CWH43: variants seen among roughly 807,000 people sequenced by gnomAD.
CWH43 encodes PGAP2-interacting protein.
In CWH43, 91 loss-of-function variants were observed where a neutral mutation model predicts 85.7. That is an observed-to-expected ratio of 1.06 (90% CI 0.90 to 1.26). The LOEUF (loss-of-function observed/expected upper bound fraction) is 1.26, where lower values mean the gene tolerates loss of function less well. CWH43 is among the 50% of genes most tolerant of loss of function. The probability of loss-of-function intolerance (pLI) is 0.00; values close to 1 mark genes in which losing one functional copy is unlikely to be tolerated. For missense variants in CWH43, 869 were observed against 839.2 expected, an observed-to-expected ratio of 1.04 and a Z score of -0.44; for synonymous variants, 323 against 293.6, an observed-to-expected ratio of 1.10 and a Z score of -1.02.
chr4:49,057,271 A>G (rs1367496201), intron 15 of CWH43, among the ~76,000 whole-genome samples: 3 of 152,242 alleles, frequency 2.0e-5, no homozygotes, highest in Non-Finnish European at 4.4e-5. Flanking sequence ...ATCAATCAAC[A>G]TACATAAGAT....
At chr4:49,045,388 A>C (rs1784592632) in intron 14 of CWH43, among the ~76,000 whole-genome samples, 1 of 152,232 alleles carries the variant, frequency 6.6e-6, no homozygotes, top group African/African-American at 2.4e-5. Context: ...ATATACTTGG[A>C]TAATACATAT....
intron 11 of CWH43, 126 bp downstream of exon 11, chr4:49,031,086 G>T: frequency 1.1e-6 from 1 of 890,560 alleles, no homozygotes; most frequent in Non-Finnish European, 1.7e-6. Flanking sequence ...CTTGGGGGAT[G>T]AGGAGGTGCT....
rs548931558 is a variant in CWH43 at position 48,988,616 on chromosome 4, G to C, written c.183G>C (p.Trp61Cys). 1 of 1,613,148 alleles carries C rather than the reference G, an allele frequency of 6.2e-7. No homozygotes were observed. The highest frequency in any genetic ancestry group is 8.5e-7 in the Non-Finnish European group (1 of 1,179,486). ...TATTCCTAACAATTACTCCTTTCTG[G>C]AAATTGGTTAACAAGAAGTGGATGC... is the stretch of plus-strand genomic sequence containing the variant. Reference protein sequence around the residue: ...SPIFLTITPFWKLVNKKWMLT... With the variant: ...SPIFLTITPFCKLVNKKWMLT... The change falls in exon 2 of 16, where the codon TGG (tryptophan) becomes TGC (cysteine). Residue 61 changes from tryptophan (W) to cysteine (C), a missense_variant. Around this residue, in one of 3 missense-constraint regions of CWH43, gnomAD observed 140 missense variants for 122.6 expected, o/e 1.14. Transcript: ENST00000226432.
chr4:49,056,161 C>T (rs535080394), intron 15 of CWH43, among the ~76,000 whole-genome samples: 9 of 141,880 alleles, frequency 6.3e-5, no homozygotes, highest in South Asian at 4.6e-4. Flanking sequence ...TGAGAATATG[C>T]GGTGTTTGGT....
chr4:49,037,087 T>C (rs1171867311), intron 12 of CWH43, among the ~76,000 whole-genome samples: 1 of 152,236 alleles, frequency 6.6e-6, no homozygotes, highest in Non-Finnish European at 1.5e-5. Context: ...TCACTTTGTT[T>C]GAAACATCTA....
intron 6 of CWH43, 147 bp downstream of exon 6, chr4:48,998,695 C>T: frequency 1.6e-6 from 1 of 637,860 alleles, no homozygotes; most frequent in Non-Finnish European, 2.9e-6. Flanking sequence ...AACTATAATG[C>T]AGATGTCACC....
intron 9 of CWH43, among the ~76,000 whole-genome samples, chr4:49,023,589 C>G (rs1027244494): frequency 4.6e-5 from 7 of 152,114 alleles, no homozygotes; most frequent in South Asian, 2.1e-4. Flanking sequence ...GTTGGTCCGG[C>G]TGGTCTTGAA....
chr4:48,994,504 G>T (rs1177942731), intron 4 of CWH43, 115 bp from the exon 5 acceptor site: 1 of 822,996 alleles, frequency 1.2e-6, no homozygotes, highest in Non-Finnish European at 2.0e-6. Flanking sequence ...CTCCTCTTCC[G>T]AAGTAAGCTT....
At chr4:49,004,807 A>G (rs1443368007) in intron 7 of CWH43, among the ~76,000 whole-genome samples, 2 of 152,214 alleles carry the variant, frequency 1.3e-5, no homozygotes, top group Non-Finnish European at 2.9e-5. Context: ...GAATTTGCAT[A>G]CCAAAATTAT....
Position 49,030,847 on chromosome 4 carries a change from GGAGA to G in CWH43, c.1397_1400del (p.Glu466ValfsTer13). 1 of 1,581,272 alleles carries G rather than the reference GGAGA, an allele frequency of 6.3e-7. No homozygotes were observed. Among genetic ancestry groups the G allele is most frequent in the Non-Finnish European group, 8.6e-7 (1 of 1,169,448 alleles). On this transcript the variant is annotated frameshift_variant, in exon 11 of 16. Transcript: ENST00000226432. LOFTEE classifies it high-confidence loss of function. ...CAGGTGCAGATTTCATAACAATTTT[GGAGA>G]GTGATGCTTCTAAGCCCTATATGGG...
intron 9 of CWH43, among the ~76,000 whole-genome samples, chr4:49,018,973 G>A (rs1241454506): frequency 6.6e-6 from 1 of 152,146 alleles, no homozygotes; most frequent in African/African-American, 2.4e-5. Context: ...CATCAGAAAA[G>A]GATACCTAAT....
chr4:49,049,558 A>G (rs1393091977), intron 14 of CWH43, among the ~76,000 whole-genome samples: 2 of 151,870 alleles, frequency 1.3e-5, no homozygotes, highest in African/African-American at 4.8e-5. Context: ...AACAGCAACA[A>G]CAACAACAAA....
chr4:48,994,104 C>T (rs1464908294), intron 4 of CWH43, among the ~76,000 whole-genome samples: 7 of 152,066 alleles, frequency 4.6e-5, no homozygotes, highest in Admixed American at 3.9e-4. Flanking sequence ...TAGAGCCTAC[C>T]TCATAAAGTT....
intron 12 of CWH43, among the ~76,000 whole-genome samples, chr4:49,033,239 A>G (rs1784158778): frequency 6.6e-6 from 1 of 152,244 alleles, no homozygotes; most frequent in South Asian, 2.1e-4. Flanking sequence ...TTGTTAAATG[A>G]CATCTCTTCT....
Position 48,986,345 on chromosome 4 carries a change from G to A in CWH43, c.-85G>A. ...GCGGACGCAGGCCCGGGAGGACGCG[G>A]CGGCGGGAACCTGGGGGCGCAGGGC... is the stretch of plus-strand genomic sequence containing the variant. On this transcript the variant is annotated 5_prime_UTR_variant, in exon 1 of 16. Coordinates refer to ENST00000226432, the MANE Select transcript of CWH43 (RefSeq NM_025087.3). 1 of 1,332,252 alleles carries A rather than the reference G, an allele frequency of 7.5e-7. No homozygotes were observed. The highest frequency in any genetic ancestry group is 1.0e-6 in the Non-Finnish European group (1 of 973,292). 82.5% of individuals were successfully genotyped at this position (1,332,252 alleles called of 1,614,324 possible).
intron 14 of CWH43, among the ~76,000 whole-genome samples, chr4:49,047,294 G>A (rs533859497): frequency 1.3e-5 from 2 of 152,246 alleles, no homozygotes; most frequent in East Asian, 1.9e-4. Context: ...AACAAGTATC[G>A]ATCTAGCAGA....
chr4:49,044,196 A>T (rs1784551538), intron 13 of CWH43, among the ~76,000 whole-genome samples: 1 of 152,196 alleles, frequency 6.6e-6, no homozygotes, highest in Non-Finnish European at 1.5e-5. Flanking sequence ...TTGATGAATA[A>T]TAACCCTGGT....
At chr4:49,053,935 T>A (rs1784876279) in intron 15 of CWH43, among the ~76,000 whole-genome samples, 1 of 152,198 alleles carries the variant, frequency 6.6e-6, no homozygotes, top group Admixed American at 6.5e-5. Flanking sequence ...CTATATAGTT[T>A]GTAAATATAT....
intron 5 of CWH43, among the ~76,000 whole-genome samples, chr4:48,996,593 T>A (rs1173483226): frequency 6.6e-6 from 1 of 152,190 alleles, no homozygotes; most frequent in Non-Finnish European, 1.5e-5. Context: ...AGAAGTTTAT[T>A]CCTATGTGTT....
Sources: allele counts gnomAD v4.1 joint callset (sites outside exome capture counted in the v4.1 genomes callset), GRCh38; gene constraint gnomAD v4.1.1; regional missense constraint gnomAD v4.1.1; transcripts MANE v1.5; gene names NCBI Gene and HGNC (gene_info 2026-07-23, HGNC 2026-07-21).